The following CYTH2 variants were observed in gnomAD, a reference collection of about 807,000 sequenced individuals.
The protein encoded by CYTH2 is cytohesin 2, also known as cytohesin-2.
Under a neutral mutation model 55.4 loss-of-function variants are expected in CYTH2, and 24 were observed. That is an observed-to-expected ratio of 0.43 (90% CI 0.31 to 0.61). The LOEUF (loss-of-function observed/expected upper bound fraction) is 0.61, where lower values mean the gene tolerates loss of function less well. Among genes scored for constraint, CYTH2 ranks in the 20% least tolerant of loss-of-function variants. CYTH2 has a pLI of 0.08. For missense variants in CYTH2, 378 were observed against 533.5 expected (o/e 0.71, Z 2.87); for synonymous variants, 221 against 209.6 (o/e 1.05, Z -0.47).
Position 48,470,453 on chromosome 19 carries a change from C to T in CYTH2, c.120C>T (p.Leu40=), listed in dbSNP as rs761989067. 2.5e-6 allele frequency: 4 copies of T among 1,614,106 alleles called. No individual in the cohort carries two copies. In the Admixed American group the frequency reaches 5.0e-5, roughly 20 times the overall value. The change falls in exon 2 of 12, where the codon CTC becomes CTT. Residue 40 remains leucine (L), a synonymous_variant. Transcript: ENST00000452733. ...LVEIQRLREE[L]SEAMSEVEGL... ...AGATTCAGCGCCTGCGGGAGGAGCTCAGTGAAGCCATGAGCGAGGTGGAGG... is the reference window on the plus strand; with the variant it reads ...AGATTCAGCGCCTGCGGGAGGAGCTTAGTGAAGCCATGAGCGAGGTGGAGG...
At position 48,473,288 on chromosome 19, in the gene CYTH2, A is replaced by C; in HGVS notation, c.354-10A>C. Reference sequence around the variant, plus strand: ...TCCAAACTGTATGTGTCTTTGTCCCATCCTTCCAGGGAAGAACTGAACCTG... The same window carrying C: ...TCCAAACTGTATGTGTCTTTGTCCCCTCCTTCCAGGGAAGAACTGAACCTG... On this transcript the variant is annotated splice_polypyrimidine_tract_variant and intron_variant, in intron 4 of 11. Transcript: ENST00000452733. The C allele has an allele frequency of 6.2e-7, 1 of 1,613,902 alleles. No homozygotes were observed. Among genetic ancestry groups the C allele is most frequent in the Non-Finnish European group, 8.5e-7 (1 of 1,179,888 alleles).
chr19:48,475,796 A>G lies in CYTH2; in HGVS notation c.808+847A>G, dbSNP rs74981730. 3.5e-3 allele frequency: 785 copies of G among 223,500 alleles called. 7 individuals are homozygous for G. Among genetic ancestry groups the G allele is most frequent in the African/African-American group, 0.018 (752 of 42,722 alleles). The allele number at this position is 223,500 out of a possible 1,614,324, so 13.8% of individuals were successfully genotyped here. On this transcript the variant is annotated intron_variant, in intron 8 of 11. Transcript: ENST00000452733. ...CGTTTAAGCTCCTCGGGTGCTCCCA[A>G]TGCATAGTCAAGGTTGAGAGCTACT...
rs1972034221 is a variant in CYTH2, at chr19:48,480,891, G to T, written c.*1681G>T. 1 of 152,254 alleles carries T rather than the reference G, an allele frequency of 6.6e-6. No individual in the cohort carries two copies. Among genetic ancestry groups the T allele is most frequent in the African/African-American group, 2.4e-5 (1 of 41,452 alleles). The allele number at this position is 152,254 out of a possible 1,614,324, so 9.4% of individuals were successfully genotyped here. A position where few individuals can be genotyped will look rare whatever the true frequency, so the allele number is the denominator to read the frequency against. On this transcript the variant is annotated 3_prime_UTR_variant, in exon 12 of 12. Transcript: ENST00000452733. ...TGCAGGGCGGCCGGCTCCGTGGCAGGCAGAGGCAGGAAGAGGCGCGGAGCC... is the reference window on the plus strand; with the variant it reads ...TGCAGGGCGGCCGGCTCCGTGGCAGTCAGAGGCAGGAAGAGGCGCGGAGCC...
Position 48,479,454 on chromosome 19 carries a change from C to G in CYTH2, c.*244C>G, listed in dbSNP as rs1972009343. On this transcript the variant is annotated 3_prime_UTR_variant, in exon 12 of 12. Coordinates refer to ENST00000452733, the MANE Select transcript of CYTH2 (RefSeq NM_004228.7). ...GTGCTCCGTGGAGCCAGCCTGTTTCCCTGGACAGGGGCCTGGACCCGCCTG... is the reference window on the plus strand; with the variant it reads ...GTGCTCCGTGGAGCCAGCCTGTTTCGCTGGACAGGGGCCTGGACCCGCCTG... 2.1e-6 allele frequency: 1 copy of G among 467,656 alleles called. No individual in the cohort carries two copies. 29.0% of individuals were successfully genotyped at this position (467,656 alleles called of 1,614,324 possible).
chr19:48,475,001 C>A, intron 8 of CYTH2, 52 bp downstream of exon 8: 1 of 1,538,098 alleles, frequency 6.5e-7, no homozygotes, highest in Non-Finnish European at 8.9e-7. Flanking sequence ...CATTTGTGGG[C>A]CTGGGCCCTG....
chr19:48,477,973 TCTACCGCTCTTGCTCTG>T, intron 8 of CYTH2, 79 bp from the exon 9 acceptor site: 1 of 985,392 alleles, frequency 1.0e-6, no homozygotes, highest in African/African-American at 1.6e-5. Context: ...GAGCCCCACC[TCTACCGCTCTTGCTCTG>T]CTTCTCACGC....
At chr19:48,470,574 A>AC in intron 2 of CYTH2, 29 bp from the exon 3 acceptor site, 2 of 1,614,030 alleles carry the variant, frequency 1.2e-6, no homozygotes, top group Non-Finnish European at 1.7e-6. Flanking sequence ...TTGACCCTCC[A>AC]CCCCCAACCC....
chr19:48,469,985 G>T lies in CYTH2; in HGVS notation c.20-368G>T, dbSNP rs1434715140. On this transcript the variant is annotated intron_variant, in intron 1 of 11. Transcript: ENST00000452733. Reference sequence around the variant, plus strand: ...TGGACCCAGTAGTCCGGATAACCAGGTCCCCAGCTACCTCGCCAGTAATGG... The same window carrying T: ...TGGACCCAGTAGTCCGGATAACCAGTTCCCCAGCTACCTCGCCAGTAATGG... 1.4e-5 allele frequency: 8 copies of T among 557,828 alleles called. No individual in the cohort carries two copies. In the East Asian group the frequency reaches 3.7e-4, roughly 26 times the overall value. The allele number at this position is 557,828 out of a possible 1,614,324, so 34.6% of individuals were successfully genotyped here.
rs1569093546 is a variant in CYTH2, at chr19:48,479,134, G to A, written c.1124G>A (p.Ser375Asn). The A allele has an allele frequency of 6.2e-7, 1 of 1,614,086 alleles. No homozygotes were observed. Among genetic ancestry groups the A allele is most frequent in the African/African-American group, 1.3e-5 (1 of 75,030 alleles). Residue 375 changes from serine (S) to asparagine (N), a missense_variant, in exon 12 of 12, where the codon AGT becomes AAT. By Grantham distance (46) the Ser-to-Asn change is conservative (BLOSUM62 1). Coordinates refer to ENST00000452733, the MANE Select transcript of CYTH2 (RefSeq NM_004228.7). ...EWIKSIQAAV[S>N]VDPFYEMLAA... Reference sequence around the variant, plus strand: ...CTCCCCTTCTGCAGGGCGGCTGTGAGTGTGGACCCCTTCTATGAGATGCTG... The same window carrying A: ...CTCCCCTTCTGCAGGGCGGCTGTGAATGTGGACCCCTTCTATGAGATGCTG...
At chr19:48,469,912 C>A in intron 1 of CYTH2, 1 of 569,206 alleles carries the variant, frequency 1.8e-6, no homozygotes. Flanking sequence ...CCCACCTTCC[C>A]AACTCTCCTG....
chr19:48,470,372 G>A lies in CYTH2; in HGVS notation c.39G>A (p.Pro13=), dbSNP rs935369159. The A allele has an allele frequency of 5.6e-6, 9 of 1,613,044 alleles. No homozygotes were observed. The highest frequency in any genetic ancestry group is 5.0e-5 in the Admixed American group (3 of 59,996). ...DGVYEPPDLT[P]EERMELENIR... ...CCCTAGAACCCCCAGACCTGACTCCGGAGGAGCGGATGGAGCTGGAGAACA... is the reference window on the plus strand; with the variant it reads ...CCCTAGAACCCCCAGACCTGACTCCAGAGGAGCGGATGGAGCTGGAGAACA... The change falls in exon 2 of 12, where the codon CCG becomes CCA. Residue 13 remains proline, a synonymous_variant. Coordinates refer to ENST00000452733, the MANE Select transcript of CYTH2 (RefSeq NM_004228.7).
Position 48,470,588 on chromosome 19 carries a change from T to C in CYTH2, c.168-15T>C. On this transcript the variant is annotated splice_polypyrimidine_tract_variant and intron_variant, in intron 2 of 11. Transcript: ENST00000452733. ...ATTGACCCTCCACCCCCAACCCTGC[T>C]CTCTGCTCCTGCAGTAAGACCTTGC... 3 of 1,614,226 alleles carry C rather than the reference T, an allele frequency of 1.9e-6. No homozygotes were observed. Among genetic ancestry groups the C allele is most frequent in the Non-Finnish European group, 2.5e-6 (3 of 1,180,040 alleles).
chr19:48,472,506 C>G, intron 4 of CYTH2, 63 bp downstream of exon 4: 1 of 1,346,438 alleles, frequency 7.4e-7, no homozygotes, highest in Non-Finnish European at 1.0e-6. Context: ...CAGCTCCTGC[C>G]CTCACACTGG....
At position 48,470,357 on chromosome 19, in the gene CYTH2, C is replaced by T; in HGVS notation, c.24C>T (p.Pro8=). 1 of 1,610,912 alleles carries T rather than the reference C, an allele frequency of 6.2e-7. No homozygotes were observed. Among genetic ancestry groups the T allele is most frequent in the Non-Finnish European group, 8.5e-7 (1 of 1,178,246 alleles). MEDGVYE[P]PDLTPEERME... ...AACCTTGACCCCGATCCCTAGAACC[C>T]CCAGACCTGACTCCGGAGGAGCGGA... Residue 8 remains proline (P), a synonymous_variant, in exon 2 of 12, where the codon CCC becomes CCT. Coordinates refer to ENST00000452733, the MANE Select transcript of CYTH2 (RefSeq NM_004228.7).
At chr19:48,471,146 G>C (rs1971783883) in intron 3 of CYTH2, among the ~76,000 whole-genome samples, 1 of 149,634 alleles carries the variant, frequency 6.7e-6, no homozygotes, top group East Asian at 1.9e-4. Context: ...GTGGAGGAAA[G>C]GCTTTTGTTC....
chr19:48,474,318 G>T lies in CYTH2; in HGVS notation c.684G>T (p.Glu228Asp). The T allele has an allele frequency of 6.2e-7, 1 of 1,607,050 alleles. No homozygotes were observed. The highest frequency in any genetic ancestry group is 8.5e-7 in the Non-Finnish European group (1 of 1,176,368). Residue 228 changes from glutamate to aspartate, a missense_variant, in exon 7 of 12, where the codon GAG (glutamate) becomes GAT (aspartate). Glu to Asp is a conservative substitution (Grantham distance 45, BLOSUM62 2). Coordinates refer to ENST00000452733, the MANE Select transcript of CYTH2 (RefSeq NM_004228.7). The surrounding 1 kb of genome is among the most constrained non-coding windows in gnomAD (Gnocchi z 4.9). ...TCAACGAGGGCGGGGACCTGCCTGA[G>T]GAGCTGCTCAGGGTCAGTCCCCCTT... ...RGINEGGDLP[E>D]ELLRNLYDSI...
rs1569093974 is a variant in CYTH2, at chr19:48,479,630, C to T, written c.*420C>T. 1.0e-5 allele frequency: 2 copies of T among 191,190 alleles called. No individual in the cohort carries two copies. The highest frequency in any genetic ancestry group is 2.5e-4 in the East Asian group (2 of 7,958). 11.8% of individuals were successfully genotyped at this position (191,190 alleles called of 1,614,324 possible). ...AGTTTAGAATGCAGGGATTCAGGGTCAAGGTCTAGCATTCATTCTAGAAGT... is the reference window on the plus strand; with the variant it reads ...AGTTTAGAATGCAGGGATTCAGGGTTAAGGTCTAGCATTCATTCTAGAAGT... On this transcript the variant is annotated 3_prime_UTR_variant, in exon 12 of 12. Coordinates refer to ENST00000452733, the MANE Select transcript of CYTH2 (RefSeq NM_004228.7).
At chr19:48,472,496 CAGCTCCTG>C in intron 4 of CYTH2, 53 bp downstream of exon 4, 2 of 1,426,978 alleles carry the variant, frequency 1.4e-6, no homozygotes, top group Non-Finnish European at 9.7e-7. Context: ...CCCCCAGACC[CAGCTCCTG>C]CCCTCACACT....
At position 48,474,029 on chromosome 19, in the gene CYTH2, A is replaced by G. The variant is rs532630301; in HGVS notation, c.547+12A>G. 1 of 1,596,830 alleles carries G rather than the reference A, an allele frequency of 6.3e-7. No individual in the cohort carries two copies. The highest frequency in any genetic ancestry group is 1.3e-5 in the African/African-American group (1 of 74,194). On this transcript the variant is annotated intron_variant, in intron 6 of 11. Transcript: ENST00000452733. The surrounding 1 kb of genome is among the most constrained non-coding windows in gnomAD (Gnocchi z 4.9). Reference sequence around the variant, plus strand: ...TTTCCAGTCCACAGGTGCGGGCCCCAAATCCTGGGTCCTGGGAAAGAGGAG... The same window carrying G: ...TTTCCAGTCCACAGGTGCGGGCCCCGAATCCTGGGTCCTGGGAAAGAGGAG...
Sources: allele counts gnomAD v4.1 joint callset (sites outside exome capture counted in the v4.1 genomes callset), GRCh38; gene constraint gnomAD v4.1.1; non-coding constraint Gnocchi (gnomAD v3.1); transcripts MANE v1.5; gene names NCBI Gene and HGNC (gene_info 2026-07-23, HGNC 2026-07-21).